Variants in PPP2R5E observed in about 807,000 individuals in gnomAD.
The protein encoded by PPP2R5E is serine/threonine-protein phosphatase 2A 56 kDa regulatory subunit epsilon isoform.
A neutral mutation model predicts 65.3 loss-of-function variants in PPP2R5E; 4 were observed. The observed-to-expected ratio is 0.06, with a 90% CI of 0.03 to 0.14. The LOEUF is 0.14. Ranked by LOEUF, PPP2R5E falls within the 10% of genes least tolerant of loss-of-function variation. PPP2R5E has a pLI of 1.00. For synonymous variants in PPP2R5E, 183 were observed against 187.4 expected, an observed-to-expected ratio of 0.98 and a Z score of 0.19; for missense variants, 274 against 556.1, an observed-to-expected ratio of 0.49 and a Z score of 5.10.
intron 1 of PPP2R5E, 113 bp downstream of exon 1, chr14:63,542,665 AC>A: frequency 6.6e-6 from 1 of 152,018 alleles, no homozygotes; most frequent in Non-Finnish European, 1.5e-5. Context: ...ACCCCACCGC[AC>A]CCCTCGCCTG....
At chr14:63,453,662 T>C (rs1386701897) in intron 3 of PPP2R5E, 27 bp downstream of exon 3, 1 of 1,603,656 alleles carries the variant, frequency 6.2e-7, no homozygotes, top group Admixed American at 1.7e-5. Flanking sequence ...TGCTTAAAAG[T>C]GTCCGCGGAG....
chr14:63,467,098 C>T (rs1464436016), intron 2 of PPP2R5E, among the ~76,000 whole-genome samples: 1 of 151,526 alleles, frequency 6.6e-6, no homozygotes, highest in East Asian at 1.9e-4. Context: ...TGGTGGCAGG[C>T]GCCTGTAGTC....
At chr14:63,537,367 C>T (rs1427819479) in intron 2 of PPP2R5E, among the ~76,000 whole-genome samples, 3 of 152,184 alleles carry the variant, frequency 2.0e-5, no homozygotes, top group African/African-American at 7.2e-5. Flanking sequence ...GTATTTCAAG[C>T]ATAGTTCAAT....
At chr14:63,470,549 A>C (rs911143730) in intron 2 of PPP2R5E, among the ~76,000 whole-genome samples, 1 of 152,124 alleles carries the variant, frequency 6.6e-6, no homozygotes, top group African/African-American at 2.4e-5. Context: ...ATCTCTAGGA[A>C]GAACATATTT....
chr14:63,442,846 C>G (rs911956624), intron 3 of PPP2R5E, among the ~76,000 whole-genome samples: 8 of 152,122 alleles, frequency 5.3e-5, no homozygotes, highest in Admixed American at 4.6e-4. Flanking sequence ...TATTCTTTAT[C>G]AGATGCAGGA....
Position 63,539,535 on chromosome 14 carries a change from G to T in PPP2R5E, c.151C>A (p.Leu51Ile). 6.2e-7 allele frequency: 1 copy of T among 1,613,496 alleles called. No individual in the cohort carries two copies. The highest frequency in any genetic ancestry group is 1.3e-5 in the African/African-American group (1 of 75,034). ...KPIELTPLPL[L>I]KDVPSSEQPE... ...ACCTGGTCATGAGCCTTACCTTTTAGCAGCGGCAGAGGTGTTAACTCAATA... is the reference window on the plus strand; with the variant it reads ...ACCTGGTCATGAGCCTTACCTTTTATCAGCGGCAGAGGTGTTAACTCAATA... Residue 51 changes from leucine to isoleucine, a missense_variant, in exon 2 of 14, where the codon CTA becomes ATA. By Grantham distance (5) the Leu-to-Ile change is conservative. Coordinates refer to ENST00000337537, the MANE Select transcript of PPP2R5E (RefSeq NM_006246.5).
intron 2 of PPP2R5E, among the ~76,000 whole-genome samples, chr14:63,493,419 G>A (rs756040299): frequency 4.8e-5 from 7 of 145,178 alleles, no homozygotes; most frequent in African/African-American, 1.6e-4. Context: ...ACTCTTTCCC[G>A]CTTCAATCCT....
At chr14:63,465,450 CAAAAA>C (rs1171345415) in intron 2 of PPP2R5E, among the ~76,000 whole-genome samples, 1 of 47,416 alleles carries the variant, frequency 2.1e-5, no homozygotes, top group African/African-American at 7.7e-5. Flanking sequence ...TCCACCTCTA[CAAAAA>C]AAAAAAAAAA....
At chr14:63,509,385 T>C (rs1044123891) in intron 2 of PPP2R5E, among the ~76,000 whole-genome samples, 6 of 151,218 alleles carry the variant, frequency 4.0e-5, no homozygotes, top group Non-Finnish European at 5.9e-5. Context: ...GCGATTCTCG[T>C]GCCTTGGCCT....
At chr14:63,472,812 T>C (rs556880540) in intron 2 of PPP2R5E, among the ~76,000 whole-genome samples, 1 of 152,298 alleles carries the variant, frequency 6.6e-6, no homozygotes, top group South Asian at 2.1e-4. Context: ...AATGAGGACA[T>C]ACCTGGCCAG....
At chr14:63,508,217 GC>G (rs1178393885) in intron 2 of PPP2R5E, 1 of 985,314 alleles carries the variant, frequency 1.0e-6, no homozygotes, top group Non-Finnish European at 1.2e-6. Context: ...CCTCTTTGGA[GC>G]CACTATGCAC....
chr14:63,402,984 A>G (rs1390182242), intron 5 of PPP2R5E, among the ~76,000 whole-genome samples: 1 of 152,210 alleles, frequency 6.6e-6, no homozygotes, highest in East Asian at 1.9e-4. Flanking sequence ...CTCAAAGAAG[A>G]TACAAAGAAG....
intron 2 of PPP2R5E, among the ~76,000 whole-genome samples, chr14:63,488,827 C>T (rs544135524): frequency 1.6e-4 from 24 of 151,276 alleles, no homozygotes; most frequent in Non-Finnish European, 2.7e-4. Context: ...CCAGACTGGG[C>T]GACAGAGCAA....
intron 2 of PPP2R5E, among the ~76,000 whole-genome samples, chr14:63,483,981 G>C (rs1262112966): frequency 1.3e-5 from 2 of 151,934 alleles, no homozygotes; most frequent in African/African-American, 4.8e-5. Context: ...TACTCAGGGG[G>C]GCTGAGGCAG....
chr14:63,517,408 AAAACACTTTG>A (rs1472400432), intron 2 of PPP2R5E, among the ~76,000 whole-genome samples: 1 of 152,192 alleles, frequency 6.6e-6, no homozygotes, highest in Non-Finnish European at 1.5e-5. Flanking sequence ...GAAATGACTA[AAAACACTTTG>A]AAATTTATTA....
chr14:63,417,024 A>G (rs943835995), intron 4 of PPP2R5E, among the ~76,000 whole-genome samples: 4 of 152,216 alleles, frequency 2.6e-5, no homozygotes, highest in African/African-American at 9.6e-5. Context: ...ATTAGTTGCA[A>G]CACAGAATCT....
intron 4 of PPP2R5E, among the ~76,000 whole-genome samples, chr14:63,417,463 A>C (rs1439042770): frequency 6.6e-6 from 1 of 151,316 alleles, no homozygotes; most frequent in Non-Finnish European, 1.5e-5. Flanking sequence ...TCATTCCTTC[A>C]AGTAAAAATG....
At chr14:63,535,738 A>G (rs762590860) in intron 2 of PPP2R5E, among the ~76,000 whole-genome samples, 19 of 152,310 alleles carry the variant, frequency 1.2e-4, no homozygotes, top group Non-Finnish European at 2.2e-4. Flanking sequence ...AACTCACAAA[A>G]TTCAACCATA....
chr14:63,503,369 G>C lies in PPP2R5E; in HGVS notation c.157+36160C>G, dbSNP rs77005559. Among the ~76,000 whole-genome samples the C allele has an allele frequency of 5.6e-3, 851 of 152,300 alleles. 41 individuals are homozygous for C. In the East Asian group the frequency reaches 0.1, roughly 19 times the overall value. On this transcript the variant is annotated intron_variant, in intron 2 of 13. Coordinates refer to ENST00000337537, the MANE Select transcript of PPP2R5E (RefSeq NM_006246.5). ...GTGACAGGCAGGAACAGGCCTCTAT[G>C]TAGAGGTTAGAAACAAGCACTATGA...
Sources: gnomAD v4.1 joint callset for allele counts (sites outside exome capture counted in the v4.1 genomes callset) on GRCh38, gnomAD v4.1.1 for gene constraint, MANE v1.5 for transcripts, NCBI Gene and HGNC (gene_info 2026-07-23, HGNC 2026-07-21) for gene names.